Variants in HSD17B12 observed in about 807,000 individuals in gnomAD.
HSD17B12 encodes the protein very-long-chain 3-oxoacyl-CoA reductase.
In HSD17B12, 32 loss-of-function variants were observed where a neutral mutation model predicts 39.3. The ratio of observed to expected loss-of-function variants is 0.81; its 90% CI spans 0.61 to 1.09. HSD17B12 has a LOEUF of 1.09. Among genes scored for constraint, HSD17B12 ranks in the 50% least tolerant of loss-of-function variants. The pLI is 0.00. For synonymous variants in HSD17B12, 150 were observed against 146.7 expected (o/e 1.02, Z -0.16); for missense variants, 342 against 382.9 (o/e 0.89, Z 0.89).
At chr11:43,634,653 C>T in the HSD17B12 span, among the ~76,000 whole-genome samples, 1 of 152,072 alleles carries the variant, frequency 6.6e-6, no homozygotes, top group African/African-American at 2.4e-5. Context: ...AATATCTATT[C>T]GAAATTCCAC....
intron 6 of HSD17B12, 32 bp from the exon 7 acceptor site, chr11:43,830,944 C>G: frequency 6.3e-7 from 1 of 1,593,190 alleles, no homozygotes. Flanking sequence ...GCATCCTTGG[C>G]CATCATGAAT....
chr11:43,571,376 G>T, the HSD17B12 span, among the ~76,000 whole-genome samples: 1 of 152,108 alleles, frequency 6.6e-6, no homozygotes, highest in Non-Finnish European at 1.5e-5. Context: ...CCTGATCCCT[G>T]CCCCAGCCTC....
chr11:43,607,390 G>C, the HSD17B12 span, among the ~76,000 whole-genome samples: 2 of 151,816 alleles, frequency 1.3e-5, no homozygotes, highest in African/African-American at 4.8e-5. Flanking sequence ...AAAGAAAATA[G>C]ACCATTCAGT....
At chr11:43,715,844 G>T (rs1412471801) in intron 1 of HSD17B12, among the ~76,000 whole-genome samples, 4 of 152,108 alleles carry the variant, frequency 2.6e-5, no homozygotes, top group Non-Finnish European at 5.9e-5. Context: ...TAAATTAATA[G>T]CAATGTGTAT....
At chr11:43,668,291 G>A in the HSD17B12 span, among the ~76,000 whole-genome samples, 2 of 152,052 alleles carry the variant, frequency 1.3e-5, no homozygotes, top group Admixed American at 6.6e-5. Context: ...TCCTGGACCC[G>A]TCCTCCATCT....
chr11:43,581,383 C>T, the HSD17B12 span: 1 of 507,550 alleles, frequency 2.0e-6, no homozygotes, highest in Non-Finnish European at 4.1e-6. The surrounding 1 kb of genome is among the most constrained non-coding windows in gnomAD (Gnocchi z 4.9). Flanking sequence ...ACCGAAGAAG[C>T]CGGCATATTC....
intron 3 of HSD17B12, among the ~76,000 whole-genome samples, chr11:43,789,060 G>A (rs1435807685): frequency 6.6e-6 from 1 of 152,116 alleles, no homozygotes; most frequent in Non-Finnish European, 1.5e-5. Flanking sequence ...CTTAAAACAT[G>A]CTGTTCGTTT....
At chr11:43,762,882 G>A (rs1565078908) in intron 3 of HSD17B12, among the ~76,000 whole-genome samples, 1 of 152,218 alleles carries the variant, frequency 6.6e-6, no homozygotes, top group East Asian at 1.9e-4. Context: ...TACATGTTGA[G>A]CCATATTTAT....
intron 3 of HSD17B12, among the ~76,000 whole-genome samples, chr11:43,793,378 T>C (rs959225632): frequency 3.9e-5 from 6 of 152,140 alleles, no homozygotes; most frequent in African/African-American, 1.4e-4. Flanking sequence ...TATATTTTGG[T>C]TTTATTAATA....
intron 7 of HSD17B12, among the ~76,000 whole-genome samples, chr11:43,837,777 A>G: frequency 6.6e-6 from 1 of 152,162 alleles, no homozygotes; most frequent in East Asian, 1.9e-4. Flanking sequence ...CCATTCACTC[A>G]TTGCCAGAAA....
At chr11:43,766,419 A>T (rs1950596142) in intron 3 of HSD17B12, among the ~76,000 whole-genome samples, 1 of 152,062 alleles carries the variant, frequency 6.6e-6, no homozygotes. Context: ...CCATTGCTTC[A>T]TATATTTTGT....
At chr11:43,824,962 C>G (rs1218360173) in intron 6 of HSD17B12, among the ~76,000 whole-genome samples, 1 of 152,156 alleles carries the variant, frequency 6.6e-6, no homozygotes, top group East Asian at 1.9e-4. Context: ...GAGACCCCAT[C>G]TCTATCAAAA....
At chr11:43,667,425 G>C in the HSD17B12 span, among the ~76,000 whole-genome samples, 1 of 152,050 alleles carries the variant, frequency 6.6e-6, no homozygotes, top group Admixed American at 6.6e-5. Context: ...ATGCTGGGAT[G>C]AACCACACCG....
the HSD17B12 span, among the ~76,000 whole-genome samples, chr11:43,630,963 C>A: frequency 2.6e-5 from 4 of 152,050 alleles, no homozygotes; most frequent in African/African-American, 9.7e-5. Context: ...CGCCACCACG[C>A]CTGGCCCATT....
At chr11:43,745,804 G>A (rs1389098600) in intron 1 of HSD17B12, among the ~76,000 whole-genome samples, 1 of 152,120 alleles carries the variant, frequency 6.6e-6, no homozygotes, top group African/African-American at 2.4e-5. Context: ...GCCGAGGTGG[G>A]AGCATTGCTT....
chr11:43,645,033 GT>G, the HSD17B12 span: 3 of 152,188 alleles, frequency 2.0e-5, no homozygotes, highest in Admixed American at 6.5e-5. Flanking sequence ...GTGCTGTGAA[GT>G]TGTTTGAGTT....
intron 7 of HSD17B12, among the ~76,000 whole-genome samples, chr11:43,835,877 A>G (rs1951365691): frequency 6.6e-6 from 1 of 152,162 alleles, no homozygotes; most frequent in Admixed American, 6.5e-5. Context: ...CATGAATGTG[A>G]CATTGGATAA....
chr11:43,567,357 C>T, the HSD17B12 span, among the ~76,000 whole-genome samples: 1 of 152,210 alleles, frequency 6.6e-6, no homozygotes, highest in East Asian at 1.9e-4. Context: ...AAATGGAGCC[C>T]AAGAGTTGAA....
intron 3 of HSD17B12, among the ~76,000 whole-genome samples, chr11:43,763,294 A>G (rs555312146): frequency 2.0e-5 from 3 of 152,274 alleles, no homozygotes; most frequent in Non-Finnish European, 4.4e-5. Context: ...AATGGTTATT[A>G]GCAAATCTAG....
Sources: allele counts gnomAD v4.1 joint callset (sites outside exome capture counted in the v4.1 genomes callset), GRCh38; gene constraint gnomAD v4.1.1; non-coding constraint Gnocchi (gnomAD v3.1); transcripts MANE v1.5; gene names NCBI Gene and HGNC (gene_info 2026-07-23, HGNC 2026-07-21).